Variants in FANCD2 observed in about 807,000 individuals in gnomAD.
FANCD2 encodes Fanconi anemia group D2 protein.
Under a neutral mutation model 192.3 loss-of-function variants are expected in FANCD2, and 131 were observed. The ratio of observed to expected loss-of-function variants is 0.68; its 90% CI spans 0.59 to 0.79. The LOEUF is 0.79. FANCD2 is among the 30% of genes least tolerant of loss of function. The pLI is 0.00. For synonymous variants in FANCD2, 524 were observed against 612.5 expected (o/e 0.86, Z 2.13); for missense variants, 1,508 against 1,701.6 (o/e 0.89, Z 2.00).
Position 10,095,229 on chromosome 3 carries a change from C to A in FANCD2, c.3993C>A (p.Phe1331Leu). ...ATGTTCTGAGCTTACTGGAAACCTT[C>A]CAGTTGGACACAAGGCTGCTTCATC... ...REDVLSLLET[F>L]QLDTRLLHHL... is the part of the protein sequence containing the mutation. Residue 1331 changes from phenylalanine (F) to leucine (L), a missense_variant, in exon 41 of 44, where the codon TTC becomes TTA. Physicochemically the swap from Phe to Leu is conservative, Grantham distance 22. This residue lies in a region of FANCD2 where 796 missense variants were observed against 879.4 expected (regional missense o/e 0.91). Coordinates refer to ENST00000675286, the MANE Select transcript of FANCD2 (RefSeq NM_001018115.3). 1.2e-6 allele frequency: 2 copies of A among 1,614,134 alleles called. No individual in the cohort carries two copies. The highest frequency in any genetic ancestry group is 1.7e-6 in the Non-Finnish European group (2 of 1,179,980).
chr3:10,037,867 A>C (rs1357330519), intron 7 of FANCD2, among the ~76,000 whole-genome samples: 1 of 152,228 alleles, frequency 6.6e-6, no homozygotes, highest in Non-Finnish European at 1.5e-5. Flanking sequence ...TTTGTTTAAA[A>C]AAGAAGATAC....
chr3:10,081,541 A>C, intron 32 of FANCD2, 77 bp downstream of exon 32: 1 of 985,044 alleles, frequency 1.0e-6, no homozygotes, highest in South Asian at 1.3e-5. Flanking sequence ...ACTGAAATGT[A>C]GAAAAGAAAG....
At chr3:10,034,620 T>G in intron 4 of FANCD2, 75 bp from the exon 5 acceptor site, 1 of 1,490,954 alleles carries the variant, frequency 6.7e-7, no homozygotes, top group Non-Finnish European at 9.4e-7. Flanking sequence ...TAAAGTTGAG[T>G]GGGCTAGAAT....
In FANCD2 at chr3:10,062,154, T is replaced by C; in HGVS notation, c.1770T>C (p.Ser590=). The C allele has an allele frequency of 6.2e-7, 1 of 1,610,532 alleles. No homozygotes were observed. The highest frequency in any genetic ancestry group is 2.2e-5 in the East Asian group (1 of 44,852). ...TMAGIMAADR[S]ESPSLTQERA... The stretch of plus-strand genomic sequence containing the variant: ...AAAAAAAATTCTTTGTTTTTAGAAG[T>C]GAATCACCTAGTTTGACCCAAGAGA... Residue 590 remains serine (S), a synonymous_variant, in exon 20 of 44, where the codon AGT becomes AGC. Coordinates refer to ENST00000675286, the MANE Select transcript of FANCD2 (RefSeq NM_001018115.3).
In FANCD2 at chr3:10,042,581, A is replaced by T. The variant is rs1299516850; in HGVS notation, c.806A>T (p.Lys269Met). 1.2e-6 allele frequency: 2 copies of T among 1,614,074 alleles called. No homozygotes were observed. The highest frequency in any genetic ancestry group is 2.2e-5 in the South Asian group (2 of 91,074). The change falls in exon 11 of 44, where the codon AAG becomes ATG. Residue 269 changes from lysine (K) to methionine (M), a missense_variant. This residue lies in a region of FANCD2 where 435 missense variants were observed against 421.9 expected (regional missense o/e 1.03). Transcript: ENST00000675286. The part of the protein sequence containing the change: ...LLKVRQLVMD[K>M]LSSIRLEDLP... ...TAGGTTCGCCAGTTGGTGATGGATA[A>T]GTTGTCGTCTATTAGATTGGAGGAT...
At chr3:10,088,614 T>C in intron 35 of FANCD2, 72 bp downstream of exon 35, 1 of 1,196,366 alleles carries the variant, frequency 8.4e-7, no homozygotes, top group South Asian at 1.2e-5. Context: ...TGTCAGAGAC[T>C]GGACAAATGA....
intron 2 of FANCD2, among the ~76,000 whole-genome samples, chr3:10,029,626 C>A (rs748760473): frequency 6.6e-6 from 1 of 152,062 alleles, no homozygotes; most frequent in Non-Finnish European, 1.5e-5. Context: ...AGGTGGTGTT[C>A]GGTTACATAA....
At chr3:10,046,408 T>A (rs2087011966) in intron 14 of FANCD2, 172 bp from the exon 15 acceptor site, 2 of 1,108,578 alleles carry the variant, frequency 1.8e-6, no homozygotes, top group East Asian at 2.7e-5. Context: ...TTTATTTATC[T>A]GAAAAATATT....
chr3:10,049,217 T>C (rs1575762223), intron 16 of FANCD2, among the ~76,000 whole-genome samples, 157 bp from the exon 17 acceptor site: 1 of 149,692 alleles, frequency 6.7e-6, no homozygotes, highest in Non-Finnish European at 1.5e-5. Context: ...CTAAATCTCC[T>C]GAAGCCAACA....
Position 10,063,893 on chromosome 3 carries a change from G to T in FANCD2, c.1929G>T (p.Lys643Asn), listed in dbSNP as rs763001544. The T allele has an allele frequency of 1.9e-6, 3 of 1,614,242 alleles. No homozygotes were observed. In the South Asian group the frequency reaches 3.3e-5, roughly 18 times the overall value. Reference protein sequence around the residue: ...DEFANLIQHEKLDPKALEWVG... With the variant: ...DEFANLIQHENLDPKALEWVG... ...TTGCCAACCTGATCCAACATGAAAA[G>T]CTGGATCCAAAAGCCCTGGTAAAGC... Residue 643 changes from lysine to asparagine, a missense_variant, in exon 21 of 44, where the codon AAG becomes AAT. Coordinates refer to ENST00000675286, the MANE Select transcript of FANCD2 (RefSeq NM_001018115.3).
chr3:10,085,672 G>A (rs1694149812), intron 32 of FANCD2, 140 bp from the exon 33 acceptor site: 9 of 698,600 alleles, frequency 1.3e-5, no homozygotes, highest in South Asian at 1.3e-4. Flanking sequence ...TTACAGGTGT[G>A]AGCCACCACG....
chr3:10,043,683 A>G (rs2086924159), intron 13 of FANCD2, 91 bp downstream of exon 13: 1 of 1,346,676 alleles, frequency 7.4e-7, no homozygotes. Flanking sequence ...TAAAAATCTC[A>G]AAACTCATTC....
intron 25 of FANCD2, 109 bp downstream of exon 25, chr3:10,066,088 G>A (rs2087712637): frequency 5.5e-6 from 4 of 721,500 alleles, no homozygotes; most frequent in East Asian, 2.7e-5. Context: ...ACTAACCCCC[G>A]TGTGCTTCTC....
chr3:10,075,856 A>G (rs949059995), intron 29 of FANCD2, among the ~76,000 whole-genome samples: 3 of 145,532 alleles, frequency 2.1e-5, no homozygotes, highest in Admixed American at 1.4e-4. Flanking sequence ...TCAGCCTCCC[A>G]AGTAGCTGGG....
At position 10,064,651 on chromosome 3, in the gene FANCD2, T is replaced by G. The variant is rs188668658; in HGVS notation, c.2022-78T>G. On this transcript the variant is annotated intron_variant, in intron 22 of 43. Transcript: ENST00000675286. ...TCTCCCCATGATGTTGTGTTTGAAA[T>G]TGGTTTGCTCTAGTGGTTTTCCCTG... The G allele has an allele frequency of 9.5e-6, 14 of 1,473,126 alleles. No homozygotes were observed. In the African/African-American group the frequency reaches 1.8e-4, roughly 19 times the overall value. The allele number at this position is 1,473,126 out of a possible 1,614,324, so 91.3% of individuals were successfully genotyped here.
chr3:10,035,584 C>A (rs2086707837), intron 6 of FANCD2, among the ~76,000 whole-genome samples: 1 of 152,068 alleles, frequency 6.6e-6, no homozygotes, highest in Non-Finnish European at 1.5e-5. Context: ...TAATTTTGTC[C>A]TTTTCCTCCT....
At chr3:10,082,843 G>A (rs895342718) in intron 32 of FANCD2, among the ~76,000 whole-genome samples, 6 of 152,202 alleles carry the variant, frequency 3.9e-5, no homozygotes, top group African/African-American at 1.4e-4. Flanking sequence ...GAAGGCAGAT[G>A]TCTGTCATTT....
At chr3:10,069,831 A>G (rs1034049129) in intron 26 of FANCD2, among the ~76,000 whole-genome samples, 75 of 151,954 alleles carry the variant, frequency 4.9e-4, no homozygotes, top group East Asian at 2.5e-3. Flanking sequence ...CCTCCCAGCC[A>G]CCTGCCTTGG....
chr3:10,093,423 G>T, intron 39 of FANCD2, 100 bp downstream of exon 39: 1 of 1,034,854 alleles, frequency 9.7e-7, no homozygotes, highest in Non-Finnish European at 1.5e-6. Context: ...TTGCCCACAA[G>T]CCAGAGTTTC....
Sources: gnomAD v4.1 joint callset for allele counts (sites outside exome capture counted in the v4.1 genomes callset) on GRCh38, gnomAD v4.1.1 for gene constraint, gnomAD v4.1.1 regional missense constraint, MANE v1.5 for transcripts, NCBI Gene and HGNC (gene_info 2026-07-23, HGNC 2026-07-21) for gene names.